The following GPC5 variants were observed in gnomAD, a reference collection of about 807,000 sequenced individuals.
The protein encoded by GPC5 is glypican-5.
Under a neutral mutation model 53.9 loss-of-function variants are expected in GPC5, and 47 were observed. The observed-to-expected ratio is 0.87, with a 90% CI of 0.69 to 1.11. The LOEUF (loss-of-function observed/expected upper bound fraction) is 1.11, where lower values mean the gene tolerates loss of function less well. Among genes scored for constraint, GPC5 ranks in the 50% most tolerant of loss-of-function variants. GPC5 has a pLI of 0.00. For synonymous variants in GPC5, 286 were observed against 263.3 expected, an observed-to-expected ratio of 1.09 and a Z score of -0.84; for missense variants, 748 against 713.1, an observed-to-expected ratio of 1.05 and a Z score of -0.56.
chr13:92,403,424 C>T (rs1875646715), intron 7 of GPC5, among the ~76,000 whole-genome samples: 1 of 152,204 alleles, frequency 6.6e-6, no homozygotes, highest in East Asian at 1.9e-4. Context: ...AGCCAGCCAG[C>T]ATTACCACCT....
intron 2 of GPC5, among the ~76,000 whole-genome samples, chr13:91,689,101 T>A (rs2035685307): frequency 1.4e-5 from 2 of 148,108 alleles, no homozygotes; most frequent in African/African-American, 5.0e-5. Flanking sequence ...CACAGAAGGT[T>A]TAGGCTACAG....
intron 4 of GPC5, among the ~76,000 whole-genome samples, 193 bp from the exon 5 acceptor site, chr13:91,756,102 C>A (rs1274212898): frequency 1.4e-5 from 2 of 143,110 alleles, no homozygotes; most frequent in Non-Finnish European, 3.0e-5. Flanking sequence ...AATGTATTTT[C>A]ATCTTGGTGG....
chr13:91,816,629 C>T (rs2038404280), intron 5 of GPC5, among the ~76,000 whole-genome samples: 1 of 152,136 alleles, frequency 6.6e-6, no homozygotes, highest in Non-Finnish European at 1.5e-5. Context: ...GCAAGAAAAA[C>T]ATCCGGTGCA....
chr13:92,263,368 TGCTTCCCACTCAGCTGG>T (rs530477027), intron 7 of GPC5, among the ~76,000 whole-genome samples: 182 of 152,304 alleles, frequency 1.2e-3, no homozygotes, highest in African/African-American at 4.2e-3. Flanking sequence ...ATTGCAAACG[TGCTTCCCACTCAGCTGG>T]GAAAGTCAAC....
intron 6 of GPC5, among the ~76,000 whole-genome samples, chr13:92,022,114 C>T (rs780069367): frequency 6.6e-6 from 1 of 152,094 alleles, no homozygotes. Flanking sequence ...ATTCTCCAGC[C>T]TCAGCCTCCC....
At chr13:91,920,913 TC>T in intron 6 of GPC5, among the ~76,000 whole-genome samples, 1 of 51,504 alleles carries the variant, frequency 1.9e-5, no homozygotes, top group Non-Finnish European at 4.4e-5. Flanking sequence ...TAAATCTCTC[TC>T]TCTCTCTCTC....
At chr13:92,211,966 A>G (rs1255440663) in intron 7 of GPC5, among the ~76,000 whole-genome samples, 1 of 152,032 alleles carries the variant, frequency 6.6e-6, no homozygotes, top group Non-Finnish European at 1.5e-5. Context: ...CCTCAAATTA[A>G]CAGATTGATA....
intron 5 of GPC5, among the ~76,000 whole-genome samples, chr13:91,796,511 G>C (rs554103926): frequency 1.3e-5 from 2 of 152,304 alleles, no homozygotes; most frequent in East Asian, 3.9e-4. Context: ...TGTTGCCACT[G>C]CTGGCTCCCT....
chr13:92,227,640 CA>C (rs1381402742), intron 7 of GPC5, among the ~76,000 whole-genome samples: 2 of 151,920 alleles, frequency 1.3e-5, no homozygotes. Context: ...AAGAAAATGC[CA>C]AAGCAAAAAT....
chr13:91,911,766 G>A (rs1481105893), intron 6 of GPC5, among the ~76,000 whole-genome samples: 2 of 152,170 alleles, frequency 1.3e-5, no homozygotes, highest in African/African-American at 4.8e-5. Context: ...AATGTTGGAA[G>A]CGGGGTTATT....
intron 7 of GPC5, among the ~76,000 whole-genome samples, chr13:92,806,199 G>T (rs892722485): frequency 6.6e-6 from 1 of 152,048 alleles, no homozygotes; most frequent in African/African-American, 2.4e-5. Context: ...TTACGGAGAT[G>T]GCTTCTTTAC....
intron 6 of GPC5, among the ~76,000 whole-genome samples, chr13:92,118,483 G>C (rs2041618274): frequency 6.6e-6 from 1 of 152,150 alleles, no homozygotes; most frequent in Non-Finnish European, 1.5e-5. Context: ...TACACAGCTA[G>C]TATCATGACA....
chr13:92,357,378 G>C (rs2043531156), intron 7 of GPC5, among the ~76,000 whole-genome samples: 1 of 151,664 alleles, frequency 6.6e-6, no homozygotes, highest in African/African-American at 2.4e-5. Context: ...ACTAGCATCT[G>C]TTACTTTTTG....
At chr13:92,245,037 G>GAA (rs35163960) in intron 7 of GPC5, among the ~76,000 whole-genome samples, 2,136 of 131,002 alleles carry the variant, frequency 0.016, 40 homozygotes, top group African/African-American at 0.042. Flanking sequence ...GACTCCATCT[G>GAA]AAAAAAAAAA....
At chr13:92,067,708 T>C (rs990814348) in intron 6 of GPC5, among the ~76,000 whole-genome samples, 1 of 152,012 alleles carries the variant, frequency 6.6e-6, no homozygotes, top group Non-Finnish European at 1.5e-5. Flanking sequence ...TAAAATAGCA[T>C]GCATATAATA....
chr13:92,153,745 T>C (rs1416906884), intron 7 of GPC5, among the ~76,000 whole-genome samples: 4 of 152,244 alleles, frequency 2.6e-5, no homozygotes, highest in African/African-American at 7.2e-5. Flanking sequence ...TGACAGTTTC[T>C]ACTGCTCCCC....
chr13:91,971,370 A>G (rs2040240480), intron 6 of GPC5, among the ~76,000 whole-genome samples: 1 of 151,694 alleles, frequency 6.6e-6, no homozygotes, highest in South Asian at 2.1e-4. Context: ...CTTCTTTATT[A>G]GTCTTGCTAG....
chr13:91,970,684 G>T (rs1333869536), intron 6 of GPC5, among the ~76,000 whole-genome samples: 3 of 152,092 alleles, frequency 2.0e-5, no homozygotes, highest in Admixed American at 6.5e-5. Flanking sequence ...AAGGGTTGTT[G>T]AATTTTGTCA....
intron 5 of GPC5, among the ~76,000 whole-genome samples, chr13:91,847,720 C>G (rs1419765918): frequency 3.3e-5 from 5 of 152,118 alleles, no homozygotes; most frequent in Non-Finnish European, 7.4e-5. Flanking sequence ...TGAAACAAAA[C>G]TTTCCTTATT....
Sources: allele counts gnomAD v4.1 joint callset (sites outside exome capture counted in the v4.1 genomes callset), GRCh38; gene constraint gnomAD v4.1.1; transcripts MANE v1.5; gene names NCBI Gene and HGNC (gene_info 2026-07-23, HGNC 2026-07-21).